KCNJ18: variants seen among roughly 807,000 people sequenced by gnomAD.
KCNJ18 encodes potassium inwardly rectifying channel subfamily J member 18.
In KCNJ18, 16 loss-of-function variants were observed where a neutral mutation model predicts 17.3. That is an observed-to-expected ratio of 0.92 (90% CI 0.62 to 1.40). The LOEUF (loss-of-function observed/expected upper bound fraction) is 1.40, where lower values mean the gene tolerates loss of function less well. KCNJ18 is among the 40% of genes most tolerant of loss of function. The pLI is 0.00. For missense variants in KCNJ18, 462 were observed against 626.8 expected, an observed-to-expected ratio of 0.74 and a Z score of 2.81; for synonymous variants, 185 against 262.6, an observed-to-expected ratio of 0.70 and a Z score of 2.86.
chr17:21,702,588 G>A (rs1905996757), intron 2 of KCNJ18, 143 bp from the exon 3 acceptor site: 3 of 746,832 alleles, frequency 4.0e-6, no homozygotes, highest in African/African-American at 3.6e-5. Flanking sequence ...GCGGAGTGGG[G>A]AGCTGGCTTA....
At chr17:21,694,751 T>A (rs1166530399) in intron 1 of KCNJ18, among the ~76,000 whole-genome samples, 1 of 150,744 alleles carries the variant, frequency 6.6e-6, no homozygotes, top group Admixed American at 6.6e-5. Context: ...CACCTGTCCA[T>A]CTATCCACCC....
chr17:21,702,864 G>A lies in KCNJ18; in HGVS notation c.78G>A (p.Ser26=), dbSNP rs1420311082. The change falls in exon 3 of 3, where the codon TCG becomes TCA. Residue 26 remains serine, a synonymous_variant. Transcript: ENST00000567955. ...EEDGLHLVTM[S]GANGFGNGKV... is the part of the protein sequence containing the mutation. ...ACGGGCTGCACCTGGTCACCATGTCGGGCGCCAACGGCTTCGGCAACGGCA... is the reference window on the plus strand; with the variant it reads ...ACGGGCTGCACCTGGTCACCATGTCAGGCGCCAACGGCTTCGGCAACGGCA... 23 of 1,599,656 alleles carry A rather than the reference G, an allele frequency of 1.4e-5. No homozygotes were observed. In the East Asian group the frequency reaches 2.9e-4, roughly 20 times the overall value.
At chr17:21,699,818 A>C (rs1483136418) in intron 2 of KCNJ18, among the ~76,000 whole-genome samples, 16 of 152,408 alleles carry the variant, frequency 1.0e-4, no homozygotes, top group African/African-American at 3.6e-4. Flanking sequence ...GTAGCTGGCC[A>C]GTTTCGAGGC....
At chr17:21,701,171 G>T (rs1905936226) in intron 2 of KCNJ18, among the ~76,000 whole-genome samples, 1 of 152,198 alleles carries the variant, frequency 6.6e-6, no homozygotes, top group Non-Finnish European at 1.5e-5. Flanking sequence ...CTTTAGTGGG[G>T]GCAGCACAGC....
Position 21,703,833 on chromosome 17 carries a change from T to G in KCNJ18, c.1047T>G (p.Tyr349Ter). ...KIDYSHFHKTYEVPSTPRCSA... is the reference protein window; with the variant it reads ...KIDYSHFHKT Reference sequence around the variant, plus strand: ...ACTACTCGCACTTCCACAAGACCTATGAGGTGCCCTCTACGCCCCGCTGCA... The same window carrying G: ...ACTACTCGCACTTCCACAAGACCTAGGAGGTGCCCTCTACGCCCCGCTGCA... The change falls in exon 3 of 3, where the codon TAT becomes TAG. Residue 349 changes from tyrosine to a stop codon, truncating the protein, a stop_gained. Transcript: ENST00000567955. LOFTEE classifies it high-confidence loss of function. The G allele has an allele frequency of 6.2e-7, 1 of 1,611,244 alleles. No homozygotes were observed. Among genetic ancestry groups the G allele is most frequent in the Non-Finnish European group, 8.5e-7 (1 of 1,179,428 alleles).
intron 2 of KCNJ18, among the ~76,000 whole-genome samples, chr17:21,700,830 G>GTCTCT (rs1905923626): frequency 9.7e-6 from 1 of 102,782 alleles, no homozygotes; most frequent in Non-Finnish European, 2.0e-5. Context: ...GGTTCACAGT[G>GTCTCT]GTGCCATCCC....
chr17:21,693,349 T>G (rs1416395311), intron 1 of KCNJ18, among the ~76,000 whole-genome samples: 2 of 152,266 alleles, frequency 1.3e-5, no homozygotes, highest in Non-Finnish European at 2.9e-5. Context: ...TCCAGCTGGA[T>G]TTGTGGTCTG....
chr17:21,701,679 G>A (rs1449442179), intron 2 of KCNJ18, among the ~76,000 whole-genome samples: 10,594 of 116,618 alleles, frequency 0.091, no homozygotes, highest in African/African-American at 0.15. Flanking sequence ...AGGAGGCCGA[G>A]GCAGGTGGAT....
In KCNJ18 at chr17:21,704,480, C is replaced by T. The variant is rs1906098731; in HGVS notation, c.*392C>T. ...CTGGTTTTTAACTTGGGGAGAAACACCGGGTTTCAGCTTTCTCGACCTTAG... is the reference window on the plus strand; with the variant it reads ...CTGGTTTTTAACTTGGGGAGAAACATCGGGTTTCAGCTTTCTCGACCTTAG... On this transcript the variant is annotated 3_prime_UTR_variant, in exon 3 of 3. Coordinates refer to ENST00000567955, the MANE Select transcript of KCNJ18 (RefSeq NM_001194958.2). 1 of 214,386 alleles carries T rather than the reference C, an allele frequency of 4.7e-6. No individual in the cohort carries two copies. Among genetic ancestry groups the T allele is most frequent in the Non-Finnish European group, 1.0e-5 (1 of 99,760 alleles). 13.3% of individuals were successfully genotyped at this position (214,386 alleles called of 1,614,324 possible).
In KCNJ18 at chr17:21,703,942, C is replaced by T. The variant is rs1252021107; in HGVS notation, c.1156C>T (p.Arg386Cys). The change falls in exon 3 of 3, where the codon CGT (arginine) becomes TGT (cysteine). Residue 386 changes from arginine to cysteine, a missense_variant. Physicochemically the swap from Arg to Cys is radical, Grantham distance 180. Coordinates refer to ENST00000567955, the MANE Select transcript of KCNJ18 (RefSeq NM_001194958.2). The part of the protein sequence containing the change: ...CYENELAFLS[R>C]DEEDEADGDQ... ...TGAGAACGAGCTGGCCTTCCTGAGC[C>T]GTGACGAGGAGGATGAGGCGGACGG... The T allele has an allele frequency of 2.4e-4, 382 of 1,610,054 alleles. No individual in the cohort carries two copies. Among genetic ancestry groups the T allele is most frequent in the Middle Eastern group, 2.2e-3 (13 of 5,778 alleles).
At chr17:21,701,515 C>T (rs1244717413) in intron 2 of KCNJ18, among the ~76,000 whole-genome samples, 3 of 151,716 alleles carry the variant, frequency 2.0e-5, no homozygotes, top group Non-Finnish European at 4.4e-5. Context: ...CAAGAAGCTG[C>T]AAGCATGGCA....
chr17:21,701,931 A>T (rs1460502824), intron 2 of KCNJ18, among the ~76,000 whole-genome samples: 2 of 67,020 alleles, frequency 3.0e-5, no homozygotes, highest in African/African-American at 1.1e-4. Flanking sequence ...AAAAAAAGAA[A>T]AAAGAAAAGA....
In KCNJ18 at chr17:21,704,032, C is replaced by T; in HGVS notation, c.1246C>T (p.Gln416Ter). The T allele has an allele frequency of 6.3e-7, 1 of 1,578,460 alleles. No homozygotes were observed. The highest frequency in any genetic ancestry group is 8.6e-7 in the Non-Finnish European group (1 of 1,162,936). ...GGCCAGGCATGACTTTGACAGACTC[C>T]AGGCTGGCGGCGGGGTCCTGGAGCA... ...PQARHDFDRL[Q>*]AGGGVLEQRP... The change falls in exon 3 of 3, where the codon CAG (glutamine) becomes TAG (stop). Residue 416 changes from glutamine to a stop codon, truncating the protein, a stop_gained. Coordinates refer to ENST00000567955, the MANE Select transcript of KCNJ18 (RefSeq NM_001194958.2). LOFTEE classifies it high-confidence loss of function.
Position 21,703,030 on chromosome 17 carries a change from T to C in KCNJ18, c.244T>C (p.Tyr82His). Residue 82 changes from tyrosine to histidine, a missense_variant, in exon 3 of 3, where the codon TAC (tyrosine) becomes CAC (histidine). Coordinates refer to ENST00000567955, the MANE Select transcript of KCNJ18 (RefSeq NM_001194958.2). Reference protein sequence around the residue: ...FTTCVDIRWRYMLLIFSLAFL... With the variant: ...FTTCVDIRWRHMLLIFSLAFL... ...CACCTGTGTGGACATCCGCTGGCGC[T>C]ACATGCTGCTCATCTTCTCGCTGGC... 1.2e-6 allele frequency: 2 copies of C among 1,613,302 alleles called. No individual in the cohort carries two copies. The highest frequency in any genetic ancestry group is 1.7e-6 in the Non-Finnish European group (2 of 1,179,878).
chr17:21,692,947 G>A (rs1386433908), intron 1 of KCNJ18, among the ~76,000 whole-genome samples: 6 of 152,308 alleles, frequency 3.9e-5, no homozygotes, highest in Non-Finnish European at 8.8e-5. Context: ...GCCTCAGGAA[G>A]GGGAAGTGCC....
intron 2 of KCNJ18, among the ~76,000 whole-genome samples, chr17:21,698,812 C>A (rs2142269044): frequency 6.6e-6 from 1 of 152,374 alleles, no homozygotes; most frequent in East Asian, 1.9e-4. Flanking sequence ...CGTCTGTAGG[C>A]ACTGTGGCCA....
chr17:21,700,604 A>T (rs1782424459), intron 2 of KCNJ18, among the ~76,000 whole-genome samples: 1 of 111,520 alleles, frequency 9.0e-6, no homozygotes. Context: ...CAGAGCTCAG[A>T]GGCCGCGCCT....
At chr17:21,696,883 G>C (rs1464065386) in intron 2 of KCNJ18, among the ~76,000 whole-genome samples, 189 of 152,310 alleles carry the variant, frequency 1.2e-3, no homozygotes, top group Non-Finnish European at 2.1e-3. Context: ...GGAGACAAAG[G>C]TTCCAGCGCA....
intron 2 of KCNJ18, among the ~76,000 whole-genome samples, chr17:21,696,515 AC>A (rs1428202589): frequency 1.6e-3 from 242 of 151,998 alleles, no homozygotes; most frequent in Admixed American, 4.7e-3. Flanking sequence ...TTAGTCCTTC[AC>A]CCTTCATCTG....
Sources: gnomAD v4.1 joint callset for allele counts (sites outside exome capture counted in the v4.1 genomes callset) on GRCh38, gnomAD v4.1.1 for gene constraint, MANE v1.5 for transcripts, NCBI Gene and HGNC (gene_info 2026-07-23, HGNC 2026-07-21) for gene names.